Variants in AFG1L observed in about 807,000 individuals in gnomAD.
AFG1L encodes AFG1 like ATPase.
Under a neutral mutation model 62.2 loss-of-function variants are expected in AFG1L, and 53 were observed. That is an observed-to-expected ratio of 0.85 (90% CI 0.68 to 1.07). AFG1L has a LOEUF of 1.07. AFG1L is among the 50% of genes least tolerant of loss of function. AFG1L has a pLI of 0.00. For synonymous variants in AFG1L, 228 were observed against 210.3 expected (o/e 1.08, Z -0.73); for missense variants, 555 against 590.5 (o/e 0.94, Z 0.62).
chr6:108,391,531 C>G (rs1413760875), intron 6 of AFG1L, among the ~76,000 whole-genome samples: 1 of 152,048 alleles, frequency 6.6e-6, no homozygotes, highest in Non-Finnish European at 1.5e-5. Context: ...GGATATCAGT[C>G]CTTTGTCAGT....
chr6:108,314,126 G>A (rs1401496776), intron 1 of AFG1L, among the ~76,000 whole-genome samples: 1 of 151,982 alleles, frequency 6.6e-6, no homozygotes, highest in African/African-American at 2.4e-5. Context: ...AGCTACTTAG[G>A]AGGTTGAGGT....
In AFG1L at chr6:108,479,673, G is replaced by C. The variant is rs567373173; in HGVS notation, c.1062+2381G>C. On this transcript the variant is annotated intron_variant, in intron 10 of 12. Coordinates refer to ENST00000368977, the MANE Select transcript of AFG1L (RefSeq NM_145315.5). ...TTGAAATCCCTCAACTTCAGATGTA[G>C]CCTAAAACTCTTAATGAGTTATAAT... 4.6e-5 allele frequency among the ~76,000 whole-genome samples: 7 copies of C among 152,258 alleles called. No individual in the cohort carries two copies. The East Asian group carries it at 1.4e-3, about 29-fold the overall frequency.
At chr6:108,413,364 A>G (rs1782204698) in intron 7 of AFG1L, among the ~76,000 whole-genome samples, 1 of 152,176 alleles carries the variant, frequency 6.6e-6, no homozygotes, top group Non-Finnish European at 1.5e-5. Flanking sequence ...TCAACAAGAC[A>G]GAAAGTTAGC....
intron 2 of AFG1L, among the ~76,000 whole-genome samples, chr6:108,339,048 C>T (rs993932372): frequency 3.3e-5 from 5 of 152,036 alleles, no homozygotes; most frequent in African/African-American, 1.2e-4. Flanking sequence ...TAAATCTTAC[C>T]TCTTGTATTG....
At chr6:108,333,738 A>G (rs1292339894) in intron 2 of AFG1L, among the ~76,000 whole-genome samples, 5 of 152,218 alleles carry the variant, frequency 3.3e-5, no homozygotes, top group African/African-American at 9.6e-5. Flanking sequence ...GTATTTATAA[A>G]ATGGAATGTT....
intron 8 of AFG1L, among the ~76,000 whole-genome samples, chr6:108,451,770 G>A (rs1420278873): frequency 1.3e-5 from 2 of 152,064 alleles, no homozygotes; most frequent in African/African-American, 4.8e-5. Flanking sequence ...GAGGGCTGGA[G>A]TGCAGTGGCG....
intron 6 of AFG1L, among the ~76,000 whole-genome samples, chr6:108,377,064 T>C (rs1453095120): frequency 6.6e-6 from 1 of 152,124 alleles, no homozygotes; most frequent in Non-Finnish European, 1.5e-5. Context: ...GGTCTTTTTT[T>C]TCTGCCTTTT....
At chr6:108,296,929 G>C (rs960688884) in intron 1 of AFG1L, among the ~76,000 whole-genome samples, 2 of 152,068 alleles carry the variant, frequency 1.3e-5, no homozygotes, top group African/African-American at 4.8e-5. Flanking sequence ...TATATGGCTA[G>C]TAAGTGTCAG....
chr6:108,339,384 C>G (rs1360192563), intron 2 of AFG1L, among the ~76,000 whole-genome samples: 1 of 151,840 alleles, frequency 6.6e-6, no homozygotes, highest in East Asian at 1.9e-4. Flanking sequence ...GAGTGATCTG[C>G]TCATGTTGGC....
At chr6:108,339,154 CTT>C (rs1167540040) in intron 2 of AFG1L, among the ~76,000 whole-genome samples, 14 of 140,128 alleles carry the variant, frequency 1.0e-4, no homozygotes, top group Admixed American at 7.2e-5. Context: ...AAAATAAACT[CTT>C]TTTTTTTTTT....
At chr6:108,397,099 G>A (rs951051688) in intron 6 of AFG1L, among the ~76,000 whole-genome samples, 3 of 152,066 alleles carry the variant, frequency 2.0e-5, no homozygotes, top group Non-Finnish European at 1.5e-5. Context: ...CGTGGTCTCA[G>A]CTCACTGCAA....
chr6:108,452,033 G>A (rs1413613512), intron 8 of AFG1L, among the ~76,000 whole-genome samples: 2 of 152,142 alleles, frequency 1.3e-5, no homozygotes. Flanking sequence ...TTCTTTTCTA[G>A]TTGCTTGGTG....
intron 12 of AFG1L, 31 bp from the exon 13 acceptor site, chr6:108,522,259 GTGATAGC>G (rs1032840798): frequency 1.3e-6 from 2 of 1,597,558 alleles, no homozygotes; most frequent in African/African-American, 2.7e-5. Context: ...ATTTTCATTT[GTGATAGC>G]TTTATTTTAA....
At chr6:108,346,417 G>A (rs993881938) in intron 2 of AFG1L, among the ~76,000 whole-genome samples, 1 of 151,576 alleles carries the variant, frequency 6.6e-6, no homozygotes, top group Non-Finnish European at 1.5e-5. Flanking sequence ...CTAGGCTGCA[G>A]TACAGTGGTG....
At chr6:108,335,388 G>A (rs1473761240) in intron 2 of AFG1L, among the ~76,000 whole-genome samples, 1 of 152,216 alleles carries the variant, frequency 6.6e-6, no homozygotes, top group East Asian at 1.9e-4. Context: ...GAGTAACAAA[G>A]CCATCACTAA....
chr6:108,510,158 A>C, intron 10 of AFG1L, 54 bp from the exon 11 acceptor site: 1 of 1,424,054 alleles, frequency 7.0e-7, no homozygotes, highest in Non-Finnish European at 9.6e-7. Context: ...ACCACTCCAA[A>C]GGCAACCAGA....
intron 10 of AFG1L, among the ~76,000 whole-genome samples, chr6:108,490,638 A>G (rs1376389192): frequency 2.0e-5 from 3 of 152,190 alleles, no homozygotes; most frequent in South Asian, 4.1e-4. Context: ...ATCATGTCCT[A>G]TATAAATCCA....
chr6:108,483,264 G>A (rs2114830630), intron 10 of AFG1L, among the ~76,000 whole-genome samples: 1 of 152,204 alleles, frequency 6.6e-6, no homozygotes, highest in East Asian at 1.9e-4. Context: ...AATTTGATGG[G>A]CTTAATGTAA....
intron 8 of AFG1L, among the ~76,000 whole-genome samples, chr6:108,470,892 A>G (rs1772860042): frequency 6.6e-6 from 1 of 152,222 alleles, no homozygotes; most frequent in Non-Finnish European, 1.5e-5. Flanking sequence ...AACATGAACA[A>G]GAACTCATTC....
Sources: allele counts gnomAD v4.1 joint callset (sites outside exome capture counted in the v4.1 genomes callset), GRCh38; gene constraint gnomAD v4.1.1; transcripts MANE v1.5; gene names NCBI Gene and HGNC (gene_info 2026-07-23, HGNC 2026-07-21).